SLIT2: variants seen among roughly 807,000 people sequenced by gnomAD.
SLIT2 encodes the protein slit homolog 2 protein.
A neutral mutation model predicts 185.7 loss-of-function variants in SLIT2; 41 were observed. The ratio of observed to expected loss-of-function variants is 0.22; its 90% confidence interval spans 0.17 to 0.29. SLIT2 has a LOEUF of 0.29. SLIT2 is among the 10% of genes least tolerant of loss of function. The probability of loss-of-function intolerance (pLI) is 1.00; values close to 1 mark genes in which losing one functional copy is unlikely to be tolerated. For synonymous variants in SLIT2, 693 were observed against 680.2 expected (o/e 1.02, Z -0.29); for missense variants, 1,571 against 1,909.0 (o/e 0.82, Z 3.30).
chr4:20,582,088 C>A (rs1291369020), intron 29 of SLIT2, among the ~76,000 whole-genome samples: 1 of 152,144 alleles, frequency 6.6e-6, no homozygotes. Context: ...TGGCCATGCC[C>A]CGACTCAAAA....
In SLIT2 at chr4:20,619,161, A is replaced by AT; in HGVS notation, c.*155dup. 1 of 740,022 alleles carries AT rather than the reference A, an allele frequency of 1.4e-6. No individual in the cohort carries two copies. Among genetic ancestry groups the AT allele is most frequent in the East Asian group, 3.1e-5 (1 of 32,778 alleles). 45.8% of individuals were successfully genotyped at this position (740,022 alleles called of 1,614,324 possible). ...ATGAGAATAAAGACTTTTTTTCTGC[A>AT]TTTGGAAAAAAAAAAAAAGAAATGC... On this transcript the variant is annotated 3_prime_UTR_variant, in exon 37 of 37. Coordinates refer to ENST00000504154, the MANE Select transcript of SLIT2 (RefSeq NM_004787.4).
At chr4:20,615,055 T>C (rs1197676025) in intron 34 of SLIT2, 1 of 152,220 alleles carries the variant, frequency 6.6e-6, no homozygotes, top group Non-Finnish European at 1.5e-5. Flanking sequence ...TGTGCACATA[T>C]GTGTGTTGTG....
intron 18 of SLIT2, among the ~76,000 whole-genome samples, chr4:20,537,610 T>C (rs1281210653): frequency 6.6e-6 from 1 of 152,166 alleles, no homozygotes; most frequent in East Asian, 1.9e-4. Flanking sequence ...TTGAAGTGCT[T>C]ACATTTTAGC....
chr4:20,536,539 CAA>C lies in SLIT2; in HGVS notation c.1832+2825_1832+2826del, dbSNP rs1037824184. 3.9e-5 allele frequency among the ~76,000 whole-genome samples: 4 copies of C among 101,670 alleles called. No individual in the cohort carries two copies. The Admixed American group carries it at 4.4e-4, about 11-fold the overall frequency. 66.7% of individuals were successfully genotyped at this position (101,670 alleles called of 152,430 possible). ...CACCATTGCCCTCCAGCCTGGGTGA[CAA>C]GAGTGAAACTCTGTCGCAAAAAAAA... On this transcript the variant is annotated intron_variant, in intron 18 of 36. Coordinates refer to ENST00000504154, the MANE Select transcript of SLIT2 (RefSeq NM_004787.4).
At chr4:20,536,558 C>CAAAAAAAAAAAAAAAAAAAAA in intron 18 of SLIT2, among the ~76,000 whole-genome samples, 1 of 75,832 alleles carries the variant, frequency 1.3e-5, no homozygotes. Flanking sequence ...AACTCTGTCG[C>CAAAAAAAAAAAAAAAAAAAAA]AAAAAAAAAA....
chr4:20,395,714 A>C (rs1172056923), intron 4 of SLIT2, among the ~76,000 whole-genome samples: 1 of 151,984 alleles, frequency 6.6e-6, no homozygotes, highest in Admixed American at 6.6e-5. Context: ...ATTTTTTAAA[A>C]TTTAAACCAC....
At chr4:20,318,282 T>A (rs1718766520) in intron 4 of SLIT2, among the ~76,000 whole-genome samples, 1 of 152,156 alleles carries the variant, frequency 6.6e-6, no homozygotes, top group South Asian at 2.1e-4. Context: ...GATAATACTC[T>A]ACAAAAACTA....
At chr4:20,336,530 A>G (rs1720511742) in intron 4 of SLIT2, among the ~76,000 whole-genome samples, 1 of 152,102 alleles carries the variant, frequency 6.6e-6, no homozygotes, top group African/African-American at 2.4e-5. Flanking sequence ...GGGGCCTCTC[A>G]TGGAGTTGGG....
chr4:20,469,751 CTT>C lies in SLIT2; in HGVS notation c.467+1949_467+1950del, dbSNP rs33912349. On this transcript the variant is annotated intron_variant, in intron 5 of 36. Coordinates refer to ENST00000504154, the MANE Select transcript of SLIT2 (RefSeq NM_004787.4). ...CAGCTTCATTAAGCCTTAGTTTTTA[CTT>C]TTTTTTTTTTTTTTTTTTTTGAGAT... Among the ~76,000 whole-genome samples the C allele has an allele frequency of 5.7e-3, 520 of 90,728 alleles. 3 individuals carry two copies. Among genetic ancestry groups the C allele is most frequent in the African/African-American group, 0.021 (483 of 23,312 alleles). The allele number at this position is 90,728 out of a possible 152,430, so 59.5% of individuals were successfully genotyped here.
At chr4:20,494,171 C>T (rs1352676136) in intron 9 of SLIT2, among the ~76,000 whole-genome samples, 5 of 152,148 alleles carry the variant, frequency 3.3e-5, no homozygotes, top group African/African-American at 4.8e-5. Context: ...AAGGCCTCTT[C>T]GGAGGCTATT....
chr4:20,330,081 A>T (rs1719932333), intron 4 of SLIT2, among the ~76,000 whole-genome samples: 1 of 151,898 alleles, frequency 6.6e-6, no homozygotes, highest in Non-Finnish European at 1.5e-5. Context: ...ACACCATAGC[A>T]CTGTATTACA....
At chr4:20,595,631 T>C (rs889204999) in intron 30 of SLIT2, 66 bp from the exon 31 acceptor site, 61 of 1,592,780 alleles carry the variant, frequency 3.8e-5, no homozygotes, top group African/African-American at 6.7e-5. Flanking sequence ...TGTGTCTAGA[T>C]AAAATGCATT....
At chr4:20,491,048 A>G (rs545635681) in intron 8 of SLIT2, among the ~76,000 whole-genome samples, 1 of 152,290 alleles carries the variant, frequency 6.6e-6, no homozygotes, top group South Asian at 2.1e-4. Flanking sequence ...TCAACCATTA[A>G]TGTCTCATTT....
rs1711717191 is a variant in SLIT2 at position 20,255,489 on chromosome 4, T to C, written c.180-1183T>C. On this transcript the variant is annotated intron_variant, in intron 1 of 36. Transcript: ENST00000504154. ...GGGTGGAGATTCGTGTTATATCGAA[T>C]AGCCCAACAATTTTAGGAACAACTG... Among the ~76,000 whole-genome samples, 3 of 152,176 alleles carry C rather than the reference T, an allele frequency of 2.0e-5. No homozygotes were observed. In the South Asian group the frequency reaches 6.2e-4, roughly 32 times the overall value.
intron 4 of SLIT2, among the ~76,000 whole-genome samples, chr4:20,282,427 T>G (rs1241965928): frequency 6.6e-6 from 1 of 152,218 alleles, no homozygotes; most frequent in African/African-American, 2.4e-5. Flanking sequence ...TTGGGTTGTT[T>G]TTTAAAAATA....
At chr4:20,595,653 T>G in intron 30 of SLIT2, 44 bp from the exon 31 acceptor site, 3 of 1,605,964 alleles carry the variant, frequency 1.9e-6, no homozygotes, top group Non-Finnish European at 2.6e-6. Context: ...TTTACTTATT[T>G]TGGCTCAGTT....
chr4:20,502,963 C>G (rs1434087469), intron 9 of SLIT2, among the ~76,000 whole-genome samples: 1 of 152,030 alleles, frequency 6.6e-6, no homozygotes, highest in South Asian at 2.1e-4. Flanking sequence ...AGAGGTGGCT[C>G]TAGTGCTCAT....
intron 29 of SLIT2, among the ~76,000 whole-genome samples, chr4:20,572,603 T>TA (rs1725704990): frequency 6.6e-6 from 1 of 151,932 alleles, no homozygotes; most frequent in African/African-American, 2.4e-5. Flanking sequence ...CCTGTTTTTT[T>TA]AAAAAATGGA....
At chr4:20,605,367 A>C (rs951405824) in intron 33 of SLIT2, among the ~76,000 whole-genome samples, 6 of 152,216 alleles carry the variant, frequency 3.9e-5, no homozygotes, top group African/African-American at 1.4e-4. Flanking sequence ...TCATGTATCC[A>C]CTTCCAGTAT....
Sources: allele counts gnomAD v4.1 joint callset (sites outside exome capture counted in the v4.1 genomes callset), GRCh38; gene constraint gnomAD v4.1.1; transcripts MANE v1.5; gene names NCBI Gene and HGNC (gene_info 2026-07-23, HGNC 2026-07-21).